EYS: variants seen among roughly 807,000 people sequenced by gnomAD.
EYS encodes the protein protein eyes shut homolog.
A neutral mutation model predicts 282.1 loss-of-function variants in EYS; 250 were observed. The ratio of observed to expected loss-of-function variants is 0.89; its 90% CI spans 0.80 to 0.98. The LOEUF (loss-of-function observed/expected upper bound fraction) is 0.98, where lower values mean the gene tolerates loss of function less well. Ranked by LOEUF, EYS falls within the 50% of genes least tolerant of loss-of-function variation. The pLI is 0.00. For synonymous variants in EYS, 1,355 were observed against 1,282.9 expected (o/e 1.06, Z -1.20); for missense variants, 4,016 against 3,709.0 (o/e 1.08, Z -2.15).
At chr6:63,739,904 TAGCC>T (rs1769029565) in intron 41 of EYS, among the ~76,000 whole-genome samples, 1 of 150,414 alleles carries the variant, frequency 6.6e-6, no homozygotes, top group South Asian at 2.1e-4. Flanking sequence ...TTTGCCATGT[TAGCC>T]AGGCTGGTCT....
intron 12 of EYS, among the ~76,000 whole-genome samples, chr6:65,189,368 G>A (rs560406403): frequency 4.9e-4 from 75 of 151,628 alleles, no homozygotes; most frequent in African/African-American, 1.7e-3. Context: ...TCATGCTTAC[G>A]TGTCATATCC....
rs1769669347 is a variant in EYS at position 63,762,506 on chromosome 6, T to G, written c.8026A>C (p.Thr2676Pro). Residue 2676 changes from threonine to proline, a missense_variant, in exon 41 of 43, where the codon ACC (threonine) becomes CCC (proline). Coordinates refer to ENST00000503581, the MANE Select transcript of EYS (RefSeq NM_001142800.2). ...GTGGTTCCTAGAGGACAGAAACAGG[T>G]GTATCCATGAGGTAATGAAATGCAG... ...ATCISLPHGYTCFCPLGTTGI... is the reference protein window; with the variant it reads ...ATCISLPHGYPCFCPLGTTGI... The G allele has an allele frequency of 6.5e-7, 1 of 1,550,190 alleles. No homozygotes were observed. Among genetic ancestry groups the G allele is most frequent in the Non-Finnish European group, 8.7e-7 (1 of 1,146,040 alleles).
intron 22 of EYS, among the ~76,000 whole-genome samples, chr6:64,698,149 A>C (rs935514197): frequency 6.6e-6 from 1 of 152,136 alleles, no homozygotes; most frequent in Non-Finnish European, 1.5e-5. Flanking sequence ...TGAAAATGGA[A>C]ATAAAACGTA....
In EYS at chr6:64,656,892, G is replaced by T. The variant is rs562028395; in HGVS notation, c.3444-30647C>A. On this transcript the variant is annotated intron_variant, in intron 22 of 42. Transcript: ENST00000503581. ...AAATGGTAGGATGAGAGGAGTAGGAGTGATAGCCACCCATTAGACAACAGC... is the reference window on the plus strand; with the variant it reads ...AAATGGTAGGATGAGAGGAGTAGGATTGATAGCCACCCATTAGACAACAGC... Among the ~76,000 whole-genome samples the T allele has an allele frequency of 3.9e-5, 6 of 152,300 alleles. No homozygotes were observed. The East Asian group carries it at 1.2e-3, about 29-fold the overall frequency.
At chr6:64,361,084 C>G (rs535425331) in intron 29 of EYS, among the ~76,000 whole-genome samples, 2 of 151,608 alleles carry the variant, frequency 1.3e-5, no homozygotes, top group African/African-American at 4.8e-5. Flanking sequence ...AAAAAGTGAC[C>G]CTTCCTGGAA....
chr6:65,482,443 G>A (rs1469553095), intron 5 of EYS, among the ~76,000 whole-genome samples: 1 of 152,120 alleles, frequency 6.6e-6, no homozygotes, highest in Admixed American at 6.5e-5. Flanking sequence ...GGGTTAAATT[G>A]ACAGAGATTA....
intron 12 of EYS, among the ~76,000 whole-genome samples, chr6:65,060,289 T>C (rs1773531150): frequency 6.6e-6 from 1 of 151,872 alleles, no homozygotes; most frequent in Non-Finnish European, 1.5e-5. Context: ...TTTTGCATCA[T>C]ATTTTATCCT....
intron 22 of EYS, among the ~76,000 whole-genome samples, chr6:64,694,634 G>A (rs2149917898): frequency 6.6e-6 from 1 of 152,288 alleles, no homozygotes; most frequent in East Asian, 1.9e-4. Context: ...TGGAGTCACT[G>A]GTTTGGAGAC....
intron 10 of EYS, among the ~76,000 whole-genome samples, chr6:65,343,809 C>A (rs954273956): frequency 1.3e-5 from 2 of 151,316 alleles, no homozygotes; most frequent in African/African-American, 4.8e-5. Flanking sequence ...AGACTAGGAA[C>A]AAAATGATTC....
chr6:64,123,019 G>T (rs1442320118), intron 31 of EYS, among the ~76,000 whole-genome samples: 1 of 151,954 alleles, frequency 6.6e-6, no homozygotes, highest in East Asian at 1.9e-4. Flanking sequence ...TGAAACTATT[G>T]TTTTAAAGAA....
chr6:65,181,981 T>C (rs762468195), intron 12 of EYS, among the ~76,000 whole-genome samples: 3 of 151,896 alleles, frequency 2.0e-5, no homozygotes, highest in African/African-American at 4.8e-5. Flanking sequence ...CACCACATGT[T>C]CTCACTCATA....
intron 22 of EYS, among the ~76,000 whole-genome samples, chr6:64,756,681 A>G (rs1430037061): frequency 6.6e-6 from 1 of 152,194 alleles, no homozygotes; most frequent in Non-Finnish European, 1.5e-5. Flanking sequence ...TAAAACCACT[A>G]CAGAGTGTCC....
chr6:63,827,641 T>G (rs113761251), intron 36 of EYS, among the ~76,000 whole-genome samples: 20,174 of 151,796 alleles, frequency 0.13, 1,707 homozygotes, highest in African/African-American at 0.24. Context: ...TCAGGAGATC[T>G]AGACCATCCT....
At position 64,591,032 on chromosome 6, in the gene EYS, G is replaced by T; in HGVS notation, c.4835C>A (p.Ser1612Tyr). The part of the protein sequence containing the change: ...AQTITSGHSF[S>Y]SATEITPSVA... The stretch of plus-strand genomic sequence containing the variant: ...TGATGGTGTTATTTCAGTAGCAGAA[G>T]AAAATGAATGCCCAGAAGTGATAGT... The change falls in exon 26 of 43, where the codon TCT becomes TAT. Residue 1612 changes from serine (S) to tyrosine (Y), a missense_variant. By Grantham distance (144) the Ser-to-Tyr change is moderately radical. Coordinates refer to ENST00000503581, the MANE Select transcript of EYS (RefSeq NM_001142800.2). 6.4e-7 allele frequency: 1 copy of T among 1,551,318 alleles called. No homozygotes were observed. Among genetic ancestry groups the T allele is most frequent in the South Asian group, 1.2e-5 (1 of 84,062 alleles).
intron 31 of EYS, among the ~76,000 whole-genome samples, chr6:64,225,682 TTG>T (rs1440232565): frequency 6.6e-6 from 1 of 152,050 alleles, no homozygotes; most frequent in African/African-American, 2.4e-5. Flanking sequence ...TCACTGAGGA[TTG>T]TGTCATAGTT....
chr6:64,448,988 G>C (rs1775219550), intron 26 of EYS, among the ~76,000 whole-genome samples: 1 of 152,108 alleles, frequency 6.6e-6, no homozygotes, highest in Non-Finnish European at 1.5e-5. Flanking sequence ...CACCAGCAAT[G>C]GAACAAAGCT....
At chr6:64,820,080 T>G (rs1764855816) in intron 21 of EYS, among the ~76,000 whole-genome samples, 1 of 152,086 alleles carries the variant, frequency 6.6e-6, no homozygotes, top group Non-Finnish European at 1.5e-5. Context: ...GGTGTGCTCA[T>G]ACTCTCATCA....
At chr6:64,337,938 G>A (rs576222216) in intron 29 of EYS, among the ~76,000 whole-genome samples, 1 of 151,982 alleles carries the variant, frequency 6.6e-6, no homozygotes. Flanking sequence ...ATTGCTTTAT[G>A]ATTAAAACTA....
chr6:65,685,433 G>A (rs1387423288), intron 1 of EYS, among the ~76,000 whole-genome samples: 1 of 151,996 alleles, frequency 6.6e-6, no homozygotes, highest in South Asian at 2.1e-4. Flanking sequence ...GAATGTGTCA[G>A]AATTACCATA....
Sources: allele counts gnomAD v4.1 joint callset (sites outside exome capture counted in the v4.1 genomes callset), GRCh38; gene constraint gnomAD v4.1.1; transcripts MANE v1.5; gene names NCBI Gene and HGNC (gene_info 2026-07-23, HGNC 2026-07-21).